MYMX: variants seen among roughly 807,000 people sequenced by gnomAD.
MYMX encodes protein myomixer.
chr6:44,206,296 G>A, the MYMX span, among the ~76,000 whole-genome samples: 26,862 of 151,964 alleles, frequency 0.18, 2,453 homozygotes, highest in East Asian at 0.21. Flanking sequence ...CAGTGGCTCA[G>A]TCTTGGCTCA....
chr6:44,206,835 T>G, the MYMX span, among the ~76,000 whole-genome samples: 1 of 152,182 alleles, frequency 6.6e-6, no homozygotes, highest in African/African-American at 2.4e-5. Flanking sequence ...GTGCAAGTGT[T>G]GGCTTGCATC....
chr6:44,199,019 T>C, the MYMX span, among the ~76,000 whole-genome samples: 1 of 152,188 alleles, frequency 6.6e-6, no homozygotes, highest in Non-Finnish European at 1.5e-5. Context: ...GTCCCTTCAC[T>C]GACCAGCAAT....
At chr6:44,208,189 G>T in the MYMX span, among the ~76,000 whole-genome samples, 1 of 150,992 alleles carries the variant, frequency 6.6e-6, no homozygotes, top group East Asian at 2.0e-4. Context: ...CAAGGGTGCA[G>T]TGAGCTTTGA....
the MYMX span, among the ~76,000 whole-genome samples, chr6:44,195,323 T>C: frequency 6.6e-6 from 1 of 152,074 alleles, no homozygotes; most frequent in Non-Finnish European, 1.5e-5. Context: ...CTGGCCACTT[T>C]CTTTCTTTTT....
the MYMX span, among the ~76,000 whole-genome samples, chr6:44,211,732 C>G: frequency 6.7e-6 from 1 of 148,218 alleles, no homozygotes. Context: ...ATTTTTGTGT[C>G]TGAGCCTCCT....
At chr6:44,196,539 C>T in the MYMX span, among the ~76,000 whole-genome samples, 10 of 151,560 alleles carry the variant, frequency 6.6e-5, no homozygotes, top group African/African-American at 1.5e-4. Flanking sequence ...ATTAGCTGGG[C>T]GTGGCGATGC....
the MYMX span, among the ~76,000 whole-genome samples, chr6:44,204,936 C>T: frequency 1.3e-5 from 2 of 152,090 alleles, no homozygotes; most frequent in African/African-American, 4.8e-5. Flanking sequence ...ATTTTTTTCT[C>T]TTCTATAGTT....
At chr6:44,202,984 A>G in the MYMX span, among the ~76,000 whole-genome samples, 1 of 152,172 alleles carries the variant, frequency 6.6e-6, no homozygotes, top group African/African-American at 2.4e-5. Context: ...CAAGGATCTC[A>G]CCGCTGGAAG....
At chr6:44,215,649 C>T (rs1018398453), upstream of MYMX, among the ~76,000 whole-genome samples, 4 of 152,022 alleles carry the variant, frequency 2.6e-5, no homozygotes, top group South Asian at 4.1e-4. Context: ...AATCCCAACA[C>T]TTTGGGAGGC....
chr6:44,197,172 G>A, the MYMX span, among the ~76,000 whole-genome samples: 2 of 152,156 alleles, frequency 1.3e-5, no homozygotes, highest in Non-Finnish European at 1.5e-5. Context: ...GGAAGCAGAG[G>A]CTGCAGTGAG....
At chr6:44,215,188 G>A (rs1377088961), upstream of MYMX, among the ~76,000 whole-genome samples, 1 of 151,724 alleles carries the variant, frequency 6.6e-6, no homozygotes, top group Non-Finnish European at 1.5e-5. Flanking sequence ...AAGGCCTTGA[G>A]GTTTACAAAA....
chr6:44,205,818 G>A, the MYMX span, among the ~76,000 whole-genome samples: 4 of 149,842 alleles, frequency 2.7e-5, no homozygotes, highest in African/African-American at 9.9e-5. Flanking sequence ...CAAAAAAAAA[G>A]AAAAGAAAAA....
At chr6:44,214,708 G>T (rs1015762123), upstream of MYMX, among the ~76,000 whole-genome samples, 1 of 152,184 alleles carries the variant, frequency 6.6e-6, no homozygotes, top group African/African-American at 2.4e-5. Flanking sequence ...GAGTAGCTGG[G>T]ACTATAGGCG....
chr6:44,195,559 C>T, the MYMX span, among the ~76,000 whole-genome samples: 10 of 151,734 alleles, frequency 6.6e-5, no homozygotes, highest in Admixed American at 6.6e-4. Flanking sequence ...CTCAACTTTC[C>T]GGGCTCAAGT....
At chr6:44,204,601 A>C in the MYMX span, among the ~76,000 whole-genome samples, 16 of 152,160 alleles carry the variant, frequency 1.1e-4, no homozygotes, top group African/African-American at 3.6e-4. Context: ...GGGAGAGGGT[A>C]TCTATATCAG....
At chr6:44,200,720 C>G in the MYMX span, among the ~76,000 whole-genome samples, 1 of 152,158 alleles carries the variant, frequency 6.6e-6, no homozygotes, top group African/African-American at 2.4e-5. Context: ...TCTCCTCAAG[C>G]TCCTCTGTCC....
chr6:44,199,292 G>A, the MYMX span, among the ~76,000 whole-genome samples: 1 of 152,072 alleles, frequency 6.6e-6, no homozygotes, highest in African/African-American at 2.4e-5. Flanking sequence ...GACTTCCCAG[G>A]CTCAGGTGAT....
the MYMX span, among the ~76,000 whole-genome samples, chr6:44,200,840 G>A: frequency 6.6e-6 from 1 of 152,110 alleles, no homozygotes; most frequent in East Asian, 1.9e-4. Flanking sequence ...CCACCCTCAG[G>A]GTCCTGTCAG....
At chr6:44,200,859 G>T in the MYMX span, among the ~76,000 whole-genome samples, 5 of 152,146 alleles carry the variant, frequency 3.3e-5, no homozygotes, top group Non-Finnish European at 7.4e-5. Flanking sequence ...AGCTGAGTGG[G>T]GGGTGGGGGG....
Sources: gnomAD v4.1 joint callset for allele counts (sites outside exome capture counted in the v4.1 genomes callset) on GRCh38, gnomAD v4.1.1 for gene constraint, MANE v1.5 for transcripts, NCBI Gene and HGNC (gene_info 2026-07-23, HGNC 2026-07-21) for gene names.